CDH8: variants seen among roughly 807,000 people sequenced by gnomAD.
CDH8 encodes the protein cadherin-8.
Under a neutral mutation model 68.1 loss-of-function variants are expected in CDH8, and 17 were observed. That is an observed-to-expected ratio of 0.25 (90% CI 0.17 to 0.37). CDH8 has a LOEUF of 0.37. Among genes scored for constraint, CDH8 ranks in the 10% least tolerant of loss-of-function variants. CDH8 has a pLI of 1.00. For synonymous variants in CDH8, 372 were observed against 365.1 expected, an observed-to-expected ratio of 1.02 and a Z score of -0.21; for missense variants, 763 against 999.3, an observed-to-expected ratio of 0.76 and a Z score of 3.19.
intron 7 of CDH8, among the ~76,000 whole-genome samples, chr16:61,814,088 C>T (rs565689523): frequency 6.6e-6 from 1 of 152,168 alleles, no homozygotes; most frequent in Non-Finnish European, 1.5e-5. Flanking sequence ...CTAGCTACCA[C>T]ATATTTTATT....
In CDH8 at chr16:62,021,386, C is replaced by T. The variant is rs767672606; in HGVS notation, c.18G>A (p.Ala6=). 36 of 1,610,002 alleles carry T rather than the reference C, an allele frequency of 2.2e-5. No homozygotes were observed. The highest frequency in any genetic ancestry group is 1.4e-4 in the South Asian group (13 of 90,792). The change falls in exon 2 of 12, where the codon GCG becomes GCA. Residue 6 remains alanine, a synonymous_variant. Transcript: ENST00000577390. ...GAGTCCAGAGATCCAAGAGCATTTCCGCTAGCCGTTCTGGCATGGTCCCAC... is the reference window on the plus strand; with the variant it reads ...GAGTCCAGAGATCCAAGAGCATTTCTGCTAGCCGTTCTGGCATGGTCCCAC... MPERL[A]EMLLDLWTPL...
At chr16:61,981,859 T>A (rs1334554432) in intron 2 of CDH8, among the ~76,000 whole-genome samples, 5 of 152,150 alleles carry the variant, frequency 3.3e-5, no homozygotes, top group African/African-American at 1.2e-4. Flanking sequence ...GTTATTAAGG[T>A]TTTTAAGGTA....
chr16:61,716,010 C>T (rs1489235588), intron 9 of CDH8, among the ~76,000 whole-genome samples: 1 of 151,636 alleles, frequency 6.6e-6, no homozygotes, highest in Non-Finnish European at 1.5e-5. Flanking sequence ...GCTCCTTCTC[C>T]ATTTACCCAG....
At chr16:61,827,641 C>T (rs956145491) in intron 4 of CDH8, among the ~76,000 whole-genome samples, 5 of 151,872 alleles carry the variant, frequency 3.3e-5, no homozygotes, top group South Asian at 2.1e-4. Context: ...ATGAGTGAAG[C>T]GTCACAGTGG....
intron 2 of CDH8, among the ~76,000 whole-genome samples, chr16:62,005,520 G>A (rs779519455): frequency 2.6e-5 from 4 of 151,816 alleles, no homozygotes; most frequent in Non-Finnish European, 5.9e-5. Flanking sequence ...GGTGGATCAC[G>A]AGGACAGGAG....
chr16:61,699,431 G>C (rs1964381992), intron 10 of CDH8, among the ~76,000 whole-genome samples: 1 of 152,164 alleles, frequency 6.6e-6, no homozygotes, highest in African/African-American at 2.4e-5. Context: ...ACTGCATTAA[G>C]AAATTAAATG....
chr16:61,903,313 TTTTG>T (rs1354785838), intron 2 of CDH8, among the ~76,000 whole-genome samples: 13 of 152,126 alleles, frequency 8.5e-5, no homozygotes, highest in East Asian at 3.9e-4. Flanking sequence ...AAGCATAGGT[TTTTG>T]TTTGTTTGTT....
In CDH8 at chr16:61,647,651, A is replaced by G. The variant is rs989663223; in HGVS notation, c.*5957T>C. On this transcript the variant is annotated 3_prime_UTR_variant, in exon 12 of 12. Transcript: ENST00000577390. ...TGATCCCAATGACTCCTAAATTGTC[A>G]TGGTCCATCTTAGAGCATAATTGTT... The G allele has an allele frequency of 2.2e-5, 13 of 582,786 alleles. No homozygotes were observed. The highest frequency in any genetic ancestry group is 1.2e-4 in the Admixed American group (4 of 32,460). The allele number at this position is 582,786 out of a possible 1,614,324, so 36.1% of individuals were successfully genotyped here. A position where few individuals can be genotyped will look rare whatever the true frequency, so the allele number is the denominator to read the frequency against.
intron 4 of CDH8, among the ~76,000 whole-genome samples, chr16:61,826,061 G>A (rs965255367): frequency 2.6e-5 from 4 of 151,528 alleles, no homozygotes; most frequent in African/African-American, 7.3e-5. Flanking sequence ...CATAGATAAC[G>A]CTGACATTTT....
chr16:61,735,542 T>TA (rs1491403833), intron 8 of CDH8, among the ~76,000 whole-genome samples: 2 of 59,458 alleles, frequency 3.4e-5, no homozygotes, highest in East Asian at 1.2e-3. Flanking sequence ...AATACATAGT[T>TA]ATATATATAT....
intron 10 of CDH8, among the ~76,000 whole-genome samples, chr16:61,699,379 A>C (rs1416433148): frequency 6.6e-6 from 1 of 152,182 alleles, no homozygotes; most frequent in Non-Finnish European, 1.5e-5. Context: ...GAAAATGAAC[A>C]AGCAATTCCT....
At chr16:61,840,982 TAA>T (rs1482499176) in intron 4 of CDH8, among the ~76,000 whole-genome samples, 2 of 152,106 alleles carry the variant, frequency 1.3e-5, no homozygotes, top group East Asian at 3.9e-4. Flanking sequence ...AGAAAAAATA[TAA>T]GACATAAATT....
chr16:61,704,098 T>C (rs951290870), intron 10 of CDH8, among the ~76,000 whole-genome samples: 5 of 152,194 alleles, frequency 3.3e-5, no homozygotes, highest in Non-Finnish European at 7.3e-5. Context: ...TTAAAAAACT[T>C]TTTTGGACAA....
chr16:61,745,198 A>G (rs1419704363), intron 8 of CDH8, among the ~76,000 whole-genome samples: 1 of 151,744 alleles, frequency 6.6e-6, no homozygotes, highest in Non-Finnish European at 1.5e-5. Context: ...CTTTAAAATG[A>G]CATTCTTTGT....
intron 7 of CDH8, among the ~76,000 whole-genome samples, chr16:61,812,807 GC>G (rs1430415196): frequency 6.6e-6 from 1 of 152,130 alleles, no homozygotes; most frequent in African/African-American, 2.4e-5. Context: ...AGGTATAGTG[GC>G]CAATGATAAG....
At chr16:61,981,681 T>TGTGCGCGCGCGCGC (rs747443852) in intron 2 of CDH8, among the ~76,000 whole-genome samples, 1 of 141,758 alleles carries the variant, frequency 7.1e-6, no homozygotes, top group African/African-American at 2.8e-5. Context: ...TGTGTGTGTG[T>TGTGCGCGCGCGCGC]GCGCGCGCGC....
chr16:61,740,176 G>T (rs1367039964), intron 8 of CDH8, among the ~76,000 whole-genome samples: 1 of 151,788 alleles, frequency 6.6e-6, no homozygotes, highest in Non-Finnish European at 1.5e-5. Context: ...AAAGTGCTGG[G>T]ATTAAGGGGT....
intron 2 of CDH8, among the ~76,000 whole-genome samples, chr16:62,005,760 T>C (rs577335240): frequency 1.9e-3 from 263 of 139,796 alleles, no homozygotes; most frequent in African/African-American, 6.5e-3. Context: ...AAAAAAAACA[T>C]TGCCCAGGGA....
At chr16:61,877,314 AAAG>A (rs920916893) in intron 3 of CDH8, among the ~76,000 whole-genome samples, 2 of 152,044 alleles carry the variant, frequency 1.3e-5, no homozygotes, top group South Asian at 2.1e-4. Context: ...TTAAAAAAAA[AAAG>A]AAGGTTTCTA....
Sources: gnomAD v4.1 joint callset for allele counts (sites outside exome capture counted in the v4.1 genomes callset) on GRCh38, gnomAD v4.1.1 for gene constraint, MANE v1.5 for transcripts, NCBI Gene and HGNC (gene_info 2026-07-23, HGNC 2026-07-21) for gene names.